Variants in SLC22A2 observed in about 807,000 individuals in gnomAD.
The protein encoded by SLC22A2 is organic cation transporter 2.
A neutral mutation model predicts 60.5 loss-of-function variants in SLC22A2; 46 were observed. The ratio of observed to expected loss-of-function variants is 0.76; its 90% CI spans 0.60 to 0.97. The LOEUF (loss-of-function observed/expected upper bound fraction) is 0.97. SLC22A2 is among the 50% of genes least tolerant of loss of function. The pLI is 0.00. For synonymous variants in SLC22A2, 303 were observed against 267.0 expected (o/e 1.13, Z -1.31); for missense variants, 701 against 706.6 (o/e 0.99, Z 0.09).
At chr6:160,229,546 G>C (rs1782783520) in intron 9 of SLC22A2, among the ~76,000 whole-genome samples, 1 of 151,694 alleles carries the variant, frequency 6.6e-6, no homozygotes, top group Admixed American at 6.6e-5. Flanking sequence ...TGCAGCCCAG[G>C]GCTGCTCACC....
At chr6:160,238,829 A>G (rs1235239013) in intron 9 of SLC22A2, among the ~76,000 whole-genome samples, 1 of 152,192 alleles carries the variant, frequency 6.6e-6, no homozygotes, top group African/African-American at 2.4e-5. Flanking sequence ...TCAGGCAGGA[A>G]CAAGGGTCAA....
chr6:160,247,809 AG>A (rs2114867664), intron 4 of SLC22A2, among the ~76,000 whole-genome samples: 1 of 152,328 alleles, frequency 6.6e-6, no homozygotes, highest in East Asian at 1.9e-4. Context: ...GAGCAAGACT[AG>A]AACTATTGAC....
intron 9 of SLC22A2, among the ~76,000 whole-genome samples, chr6:160,236,523 T>C (rs1025926365): frequency 5.3e-5 from 8 of 152,250 alleles, no homozygotes; most frequent in African/African-American, 1.9e-4. Context: ...TCTTAACTTA[T>C]GGCAATATAG....
At chr6:160,228,318 G>A (rs746812652) in intron 9 of SLC22A2, among the ~76,000 whole-genome samples, 18 of 152,306 alleles carry the variant, frequency 1.2e-4, no homozygotes, top group Non-Finnish European at 1.5e-4. Flanking sequence ...AAGTGCTGGC[G>A]TACCCAGGTA....
intron 6 of SLC22A2, 29 bp downstream of exon 6, chr6:160,245,410 G>C: frequency 8.1e-7 from 1 of 1,227,938 alleles, no homozygotes; most frequent in Non-Finnish European, 1.2e-6. Context: ...ACAATTTGGA[G>C]GCATTTCAAA....
At chr6:160,235,328 C>T (rs1289752396) in intron 9 of SLC22A2, among the ~76,000 whole-genome samples, 1 of 151,240 alleles carries the variant, frequency 6.6e-6, no homozygotes, top group East Asian at 2.0e-4. Context: ...AGATCCTCAG[C>T]TCTTTGCAAG....
intron 1 of SLC22A2, among the ~76,000 whole-genome samples, chr6:160,257,384 T>A (rs964985466): frequency 6.6e-6 from 1 of 152,092 alleles, no homozygotes; most frequent in African/African-American, 2.4e-5. Context: ...CTGGACCAGG[T>A]CAGGAGACCC....
In SLC22A2 at chr6:160,245,512, A is replaced by C; in HGVS notation, c.991T>G (p.Leu331Val). The C allele has an allele frequency of 6.2e-7, 1 of 1,611,074 alleles. No individual in the cohort carries two copies. The highest frequency in any genetic ancestry group is 8.5e-7 in the Non-Finnish European group (1 of 1,178,384). The change falls in exon 6 of 11, where the codon TTG (leucine) becomes GTG (valine). Residue 331 changes from leucine (L) to valine (V), a missense_variant. Physicochemically the swap from Leu to Val is conservative, Grantham distance 32. Coordinates refer to ENST00000366953, the MANE Select transcript of SLC22A2 (RefSeq NM_003058.4). ...LRLEEETGKK[L>V]NPSFLDLVRT... Reference sequence around the variant, plus strand: ...ACCAAGTCAAGAAATGAAGGGTTCAATTTCTTGCCAGTTTCCTCTTCAAGT... The same window carrying C: ...ACCAAGTCAAGAAATGAAGGGTTCACTTTCTTGCCAGTTTCCTCTTCAAGT...
intron 9 of SLC22A2, among the ~76,000 whole-genome samples, chr6:160,236,613 C>A (rs1357348013): frequency 6.6e-6 from 1 of 151,256 alleles, no homozygotes; most frequent in Non-Finnish European, 1.5e-5. Context: ...TTTACCAAGG[C>A]TTTGACTGGA....
chr6:160,216,858 C>T lies in SLC22A2; in HGVS notation c.*574G>A, dbSNP rs694812. The T allele has an allele frequency of 0.85, 129,331 of 152,022 alleles. 55,725 individuals carry two copies. Among genetic ancestry groups the T allele is most frequent in the Admixed American group, 0.91 (13,929 of 15,284 alleles). 9.4% of individuals were successfully genotyped at this position (152,022 alleles called of 1,614,324 possible). A position where few individuals can be genotyped will look rare whatever the true frequency, so the allele number is the denominator to read the frequency against. ...TCTAAATATGGAAGGACCTCATGAT[C>T]ACTTAAGTTGTATTCCTGATTCTTT... is the stretch of plus-strand genomic sequence containing the variant. On this transcript the variant is annotated 3_prime_UTR_variant, in exon 11 of 11. Coordinates refer to ENST00000366953, the MANE Select transcript of SLC22A2 (RefSeq NM_003058.4).
intron 2 of SLC22A2, among the ~76,000 whole-genome samples, chr6:160,256,334 T>C (rs1205903540): frequency 2.0e-5 from 3 of 152,156 alleles, no homozygotes; most frequent in African/African-American, 4.8e-5. Context: ...TCTGTTACTC[T>C]CCCTTCCGAC....
At chr6:160,218,375 A>G (rs1782575913) in intron 10 of SLC22A2, 1 of 366,208 alleles carries the variant, frequency 2.7e-6, no homozygotes, top group Admixed American at 3.8e-5. Context: ...AAAAGCAAGA[A>G]CAGCAGCAAC....
chr6:160,226,257 T>C (rs1284687942), intron 9 of SLC22A2, among the ~76,000 whole-genome samples: 2 of 152,126 alleles, frequency 1.3e-5, no homozygotes, highest in African/African-American at 4.8e-5. Flanking sequence ...CACTGCCGGC[T>C]CACTGGCTTC....
At chr6:160,236,546 G>A (rs1180757659) in intron 9 of SLC22A2, among the ~76,000 whole-genome samples, 1 of 152,194 alleles carries the variant, frequency 6.6e-6, no homozygotes, top group East Asian at 1.9e-4. Context: ...ATTTGCATAA[G>A]TGCAATAAGA....
chr6:160,248,742 A>C (rs1396169089), intron 4 of SLC22A2, among the ~76,000 whole-genome samples: 4 of 152,138 alleles, frequency 2.6e-5, no homozygotes, highest in African/African-American at 9.7e-5. Context: ...CTGGAGTGTC[A>C]TGTTGGCCTT....
chr6:160,225,063 C>T (rs892198330), intron 9 of SLC22A2, among the ~76,000 whole-genome samples: 2 of 151,994 alleles, frequency 1.3e-5, no homozygotes, highest in East Asian at 1.9e-4. Flanking sequence ...GAGGACATTG[C>T]CACCATATTA....
intron 9 of SLC22A2, among the ~76,000 whole-genome samples, chr6:160,240,549 C>T (rs1312386060): frequency 6.6e-6 from 1 of 152,152 alleles, no homozygotes; most frequent in East Asian, 1.9e-4. Flanking sequence ...TTGTAGATAA[C>T]TGAGGCATGA....
chr6:160,258,643 C>T lies in SLC22A2; in HGVS notation c.115G>A (p.Gly39Ser), dbSNP rs756963059. The T allele has an allele frequency of 2.5e-5, 40 of 1,613,794 alleles. No homozygotes were observed. Among genetic ancestry groups the T allele is most frequent in the Non-Finnish European group, 3.1e-5 (37 of 1,179,952 alleles). Reference protein sequence around the residue: ...LSATFAPIYVGIVFLGFTPDH... With the variant: ...LSATFAPIYVSIVFLGFTPDH... Reference sequence around the variant, plus strand: ...GGGGTGAAGCCCAGGAAGACGATGCCCACGTAGATGGGCGCGAAGGTAGCC... The same window carrying T: ...GGGGTGAAGCCCAGGAAGACGATGCTCACGTAGATGGGCGCGAAGGTAGCC... Residue 39 changes from glycine (G) to serine (S), a missense_variant, in exon 1 of 11, where the codon GGC (glycine) becomes AGC (serine). Coordinates refer to ENST00000366953, the MANE Select transcript of SLC22A2 (RefSeq NM_003058.4).
intron 9 of SLC22A2, among the ~76,000 whole-genome samples, chr6:160,236,343 C>T (rs973450485): frequency 7.2e-5 from 11 of 152,132 alleles, no homozygotes; most frequent in South Asian, 4.1e-4. Flanking sequence ...TTGCTTAAAA[C>T]GTTGCTGATC....
Sources: allele counts gnomAD v4.1 joint callset (sites outside exome capture counted in the v4.1 genomes callset), GRCh38; gene constraint gnomAD v4.1.1; transcripts MANE v1.5; gene names NCBI Gene and HGNC (gene_info 2026-07-23, HGNC 2026-07-21).